The following MRPS28 variants were observed in gnomAD, a reference collection of about 807,000 sequenced individuals.
MRPS28 encodes the protein small ribosomal subunit protein bS1m.
Under a neutral mutation model 10.8 loss-of-function variants are expected in MRPS28, and 7 were observed. That is an observed-to-expected ratio of 0.65 (90% CI 0.37 to 1.22). The LOEUF (loss-of-function observed/expected upper bound fraction) is 1.22, where lower values mean the gene tolerates loss of function less well. Ranked by LOEUF, MRPS28 falls within the 50% of genes most tolerant of loss-of-function variation. MRPS28 has a pLI of 0.02. For missense variants in MRPS28, 265 were observed against 232.9 expected (o/e 1.14, Z -0.90); for synonymous variants, 121 against 93.3 (o/e 1.30, Z -1.71).
At chr8:79,997,582 TCTC>T (rs569450491) in intron 2 of MRPS28, among the ~76,000 whole-genome samples, 22 of 151,574 alleles carry the variant, frequency 1.5e-4, no homozygotes, top group Middle Eastern at 6.8e-3. Context: ...CAAAAAACTC[TCTC>T]CTTTCTGATT....
chr8:80,003,625 A>G (rs1028353905), intron 1 of MRPS28, among the ~76,000 whole-genome samples: 2 of 152,170 alleles, frequency 1.3e-5, no homozygotes, highest in South Asian at 4.1e-4. Flanking sequence ...GGTTCATTTC[A>G]CTGGTGCTTG....
At chr8:80,019,626 T>C (rs555567217) in intron 1 of MRPS28, among the ~76,000 whole-genome samples, 2 of 152,108 alleles carry the variant, frequency 1.3e-5, no homozygotes, top group South Asian at 4.2e-4. Flanking sequence ...CTAGAAGTCC[T>C]AGCTAATGCA....
At chr8:79,987,067 C>T (rs979494446) in intron 2 of MRPS28, among the ~76,000 whole-genome samples, 25 of 151,842 alleles carry the variant, frequency 1.6e-4, no homozygotes, top group African/African-American at 4.6e-4. Flanking sequence ...GGTACTGGTA[C>T]CAAAACAGAG....
intron 2 of MRPS28, among the ~76,000 whole-genome samples, chr8:79,961,788 A>G (rs1332172854): frequency 6.6e-6 from 1 of 152,178 alleles, no homozygotes; most frequent in Non-Finnish European, 1.5e-5. Context: ...GTATCTGTCA[A>G]AATAATTCTG....
chr8:79,979,943 A>AAAAG (rs1807910645), intron 2 of MRPS28, among the ~76,000 whole-genome samples: 6 of 146,726 alleles, frequency 4.1e-5, no homozygotes, highest in Non-Finnish European at 7.4e-5. Flanking sequence ...AAAAAAAAAA[A>AAAAG]GTCTCTATCT....
At chr8:79,925,157 C>A (rs1295316755) in intron 2 of MRPS28, among the ~76,000 whole-genome samples, 1 of 151,586 alleles carries the variant, frequency 6.6e-6, no homozygotes, top group Non-Finnish European at 1.5e-5. Flanking sequence ...TTTATTATCC[C>A]AGGCCATTAG....
intron 2 of MRPS28, among the ~76,000 whole-genome samples, chr8:79,980,258 G>C (rs1474222891): frequency 1.3e-5 from 2 of 152,138 alleles, no homozygotes; most frequent in East Asian, 3.8e-4. Flanking sequence ...TAAGCAACTT[G>C]CCTAAGATCA....
At chr8:79,988,095 A>G (rs573338466) in intron 2 of MRPS28, among the ~76,000 whole-genome samples, 311 of 152,186 alleles carry the variant, frequency 2.0e-3, no homozygotes, top group African/African-American at 6.9e-3. Flanking sequence ...TGCAGCCATA[A>G]AAAATGATGA....
chr8:79,940,109 T>C (rs1040059123), intron 2 of MRPS28, among the ~76,000 whole-genome samples: 2 of 152,132 alleles, frequency 1.3e-5, no homozygotes, highest in African/African-American at 4.8e-5. Flanking sequence ...CTGGGCCTCA[T>C]CCCCAGATAT....
chr8:79,998,187 G>C lies in MRPS28; in HGVS notation c.395+4812C>G, dbSNP rs73257821. On this transcript the variant is annotated intron_variant, in intron 2 of 2. Coordinates refer to ENST00000276585, the MANE Select transcript of MRPS28 (RefSeq NM_014018.3). Reference sequence around the variant, plus strand: ...CTACTAATTTCTAATGTTCCATGTGGTGTTGGTATCTGTCAGTGGGCTTTA... The same window carrying C: ...CTACTAATTTCTAATGTTCCATGTGCTGTTGGTATCTGTCAGTGGGCTTTA... 6.6e-3 allele frequency among the ~76,000 whole-genome samples: 1,001 copies of C among 152,314 alleles called. 11 individuals are homozygous for C. Among genetic ancestry groups the C allele is most frequent in the African/African-American group, 0.021 (892 of 41,568 alleles).
intron 2 of MRPS28, among the ~76,000 whole-genome samples, chr8:79,977,528 GA>G (rs1484932860): frequency 6.6e-6 from 1 of 152,036 alleles, no homozygotes; most frequent in Non-Finnish European, 1.5e-5. Flanking sequence ...ATAAACAAAA[GA>G]ATACAGGCGA....
At chr8:79,960,525 C>T (rs2130002515) in intron 2 of MRPS28, among the ~76,000 whole-genome samples, 1 of 152,244 alleles carries the variant, frequency 6.6e-6, no homozygotes, top group Admixed American at 6.5e-5. Context: ...TGGGTGCATG[C>T]AGGTACCCCA....
chr8:79,972,864 T>C (rs1252968924), intron 2 of MRPS28, among the ~76,000 whole-genome samples: 1 of 152,226 alleles, frequency 6.6e-6, no homozygotes, highest in East Asian at 1.9e-4. Flanking sequence ...GGGCTATAGA[T>C]AAATGTCAAA....
intron 2 of MRPS28, among the ~76,000 whole-genome samples, chr8:79,921,427 G>C (rs943631588): frequency 4.3e-4 from 66 of 151,864 alleles, no homozygotes; most frequent in Non-Finnish European, 7.2e-4. Flanking sequence ...CATGAGCATG[G>C]AATGTTCTTC....
At chr8:79,960,042 C>T (rs1232117199) in intron 2 of MRPS28, among the ~76,000 whole-genome samples, 1 of 152,140 alleles carries the variant, frequency 6.6e-6, no homozygotes, top group African/African-American at 2.4e-5. Flanking sequence ...CCACATGGTG[C>T]AGTCTCAGAG....
At chr8:79,919,433 T>A (rs776869640) in intron 2 of MRPS28, among the ~76,000 whole-genome samples, 8 of 151,982 alleles carry the variant, frequency 5.3e-5, no homozygotes, top group Middle Eastern at 3.4e-3. Context: ...TTCAAACTTC[T>A]GGGCTCAAGC....
chr8:79,932,985 G>A (rs985100455), intron 2 of MRPS28, among the ~76,000 whole-genome samples: 1 of 152,198 alleles, frequency 6.6e-6, no homozygotes, highest in Non-Finnish European at 1.5e-5. Context: ...AACTGACTTG[G>A]CAGGATTGTA....
intron 1 of MRPS28, among the ~76,000 whole-genome samples, chr8:80,014,004 A>G (rs551479955): frequency 1.3e-3 from 191 of 152,356 alleles, no homozygotes; most frequent in African/African-American, 4.4e-3. Flanking sequence ...TGGAGAACAA[A>G]AGTATACAAA....
chr8:79,957,414 A>G (rs1347031422), intron 2 of MRPS28: 1 of 152,090 alleles, frequency 6.6e-6, no homozygotes, highest in Non-Finnish European at 1.5e-5. Context: ...TATGTTTAAT[A>G]TATAAGACCA....
Sources: allele counts gnomAD v4.1 joint callset (sites outside exome capture counted in the v4.1 genomes callset), GRCh38; gene constraint gnomAD v4.1.1; transcripts MANE v1.5; gene names NCBI Gene and HGNC (gene_info 2026-07-23, HGNC 2026-07-21).